The following ZSCAN18 variants were observed in gnomAD, a reference collection of about 807,000 sequenced individuals.
ZSCAN18 encodes the protein zinc finger and SCAN domain containing 18, also known as zinc finger and SCAN domain-containing protein 18.
Under a neutral mutation model 31.1 loss-of-function variants are expected in ZSCAN18, and 16 were observed. The observed-to-expected ratio is 0.51, with a 90% CI of 0.35 to 0.78. The LOEUF is 0.78. Ranked by LOEUF, ZSCAN18 falls within the 30% of genes least tolerant of loss-of-function variation. The pLI, the probability that ZSCAN18 is intolerant of heterozygous loss-of-function variation, is 0.01. For missense variants in ZSCAN18, 731 were observed against 697.4 expected (o/e 1.05, Z -0.54); for synonymous variants, 375 against 320.7 (o/e 1.17, Z -1.81).
In ZSCAN18 at chr19:58,090,480, A is replaced by C; in HGVS notation, c.-119-94T>G. 1.1e-5 allele frequency: 13 copies of C among 1,230,672 alleles called. No individual in the cohort carries two copies. Among genetic ancestry groups the C allele is most frequent in the South Asian group, 3.3e-5 (2 of 60,164 alleles). The allele number at this position is 1,230,672 out of a possible 1,614,324, so 76.2% of individuals were successfully genotyped here. On this transcript the variant is annotated intron_variant, in intron 1 of 6. Transcript: ENST00000601144. This position sits in a 1 kb window ranked among gnomAD's most constrained non-coding sequence, Gnocchi z 4.7. ...AACAAAGACACCACACCCAGAGTTC[A>C]CACAGATTTCCAAGAAACCCGCTTG...
intron 1 of ZSCAN18, among the ~76,000 whole-genome samples, chr19:58,105,385 G>T (rs562404814): frequency 2.0e-5 from 3 of 152,210 alleles, no homozygotes; most frequent in South Asian, 2.1e-4. Context: ...CAGTTTAGCT[G>T]GCCCAGGCGC....
chr19:58,095,310 G>C (rs1255791525), intron 1 of ZSCAN18, among the ~76,000 whole-genome samples: 1 of 152,234 alleles, frequency 6.6e-6, no homozygotes, highest in Non-Finnish European at 1.5e-5. Context: ...CATAATGTGT[G>C]TGCACAGAAC....
chr19:58,116,358 C>G (rs10424179), intron 1 of ZSCAN18, among the ~76,000 whole-genome samples: 1 of 150,904 alleles, frequency 6.6e-6, no homozygotes, highest in Admixed American at 6.6e-5. Context: ...TTACTGAACA[C>G]GTACTGTATG....
At position 58,084,982 on chromosome 19, in the gene ZSCAN18, G is replaced by A. The variant is rs751503444; in HGVS notation, c.1236C>T (p.Pro412=). The A allele has an allele frequency of 1.9e-6, 3 of 1,598,854 alleles. No individual in the cohort carries two copies. Among genetic ancestry groups the A allele is most frequent in the African/African-American group, 2.7e-5 (2 of 74,746 alleles). Residue 412 remains proline, a synonymous_variant, in exon 7 of 7, where the codon CCC becomes CCT. Transcript: ENST00000601144. The surrounding 1 kb of genome is among the most constrained non-coding windows in gnomAD (Gnocchi z 4.5). ...ADEPGLSRGK[P]YACGECGEAF... ...CCTCCCCGCACTCGCCGCAGGCATAGGGCTTCCCGCGGGACAAGCCCGGCT... is the reference window on the plus strand; with the variant it reads ...CCTCCCCGCACTCGCCGCAGGCATAAGGCTTCCCGCGGGACAAGCCCGGCT...
At chr19:58,113,927 A>T (rs2074708990) in intron 1 of ZSCAN18, among the ~76,000 whole-genome samples, 1 of 152,092 alleles carries the variant, frequency 6.6e-6, no homozygotes, top group Non-Finnish European at 1.5e-5. Context: ...GCCATAAGCC[A>T]AGATCGTGCC....
At position 58,111,036 on chromosome 19, in the gene ZSCAN18, C is replaced by T. The variant is rs572298251; in HGVS notation, c.130+7231G>A. On this transcript the variant is annotated intron_variant, in intron 1 of 1. Coordinates refer to the ZSCAN18 transcript ENST00000595721. The stretch of plus-strand genomic sequence containing the variant: ...ACAAAATATGAGCCAGGCGTGGTGG[C>T]GGGCGCCTGTAGTCCCAGCTACTCG... Among the ~76,000 whole-genome samples the T allele has an allele frequency of 1.4e-3, 217 of 152,158 alleles. 1 individual carries two copies. Among genetic ancestry groups the T allele is most frequent in the African/African-American group, 5.1e-3 (210 of 41,516 alleles).
At chr19:58,101,882 T>A (rs74467216), upstream of ZSCAN18, among the ~76,000 whole-genome samples, 1,710 of 152,144 alleles carry the variant, frequency 0.011, 41 homozygotes, top group African/African-American at 0.038. Context: ...AATATTTACA[T>A]GGTCCTGCAC....
At chr19:58,086,152 C>G in intron 6 of ZSCAN18, 22 bp downstream of exon 6, 2 of 1,612,876 alleles carry the variant, frequency 1.2e-6, no homozygotes, top group Non-Finnish European at 1.7e-6. Context: ...CCGGCCCTAA[C>G]ACCAATTCAA....
Position 58,084,630 on chromosome 19 carries a change from G to T in ZSCAN18, c.*55C>A. ...GGGGCGTGGAAAGGCCCAATGCCTC[G>T]TCTGGGATTCACGGCCGGCAAAGCG... On this transcript the variant is annotated 3_prime_UTR_variant, in exon 7 of 7. Coordinates refer to ENST00000601144, the MANE Select transcript of ZSCAN18 (RefSeq NM_001145543.2). This position sits in a 1 kb window ranked among gnomAD's most constrained non-coding sequence, Gnocchi z 4.5. 1 of 1,416,578 alleles carries T rather than the reference G, an allele frequency of 7.1e-7. No homozygotes were observed. 87.8% of individuals were successfully genotyped at this position (1,416,578 alleles called of 1,614,324 possible).
At chr19:58,101,830 C>A (rs1470780225), upstream of ZSCAN18, among the ~76,000 whole-genome samples, 1 of 149,364 alleles carries the variant, frequency 6.7e-6, no homozygotes, top group East Asian at 2.0e-4. Flanking sequence ...TTTTTTTTTT[C>A]TTTGTTTTTT....
Position 58,098,170 on chromosome 19 carries a change from C to G in ZSCAN18, c.-120+4G>C, listed in dbSNP as rs116304903. On this transcript the variant is annotated splice_donor_region_variant and intron_variant, in intron 1 of 6. Coordinates refer to ENST00000601144, the MANE Select transcript of ZSCAN18 (RefSeq NM_001145543.2). ...CCCGCGCTGCATCCCCGGGACCGAC[C>G]CACCTGCTGCGCAGCTACCCCAGGC... 4,565 of 985,544 alleles carry G rather than the reference C, an allele frequency of 4.6e-3. 153 individuals are homozygous for G. In the African/African-American group the frequency reaches 0.07, roughly 15 times the overall value. 61.0% of individuals were successfully genotyped at this position (985,544 alleles called of 1,614,324 possible). A position where few individuals can be genotyped will look rare whatever the true frequency, so the allele number is the denominator to read the frequency against.
At chr19:58,106,884 CT>C (rs2074638848) in intron 1 of ZSCAN18, among the ~76,000 whole-genome samples, 1 of 151,848 alleles carries the variant, frequency 6.6e-6, no homozygotes, top group Non-Finnish European at 1.5e-5. Context: ...CCTCAGTCTC[CT>C]GAGTAGCTGG....
intron 1 of ZSCAN18, among the ~76,000 whole-genome samples, chr19:58,095,842 T>C (rs1052373199): frequency 6.6e-6 from 1 of 152,162 alleles, no homozygotes; most frequent in African/African-American, 2.4e-5. Flanking sequence ...TCCATTCACC[T>C]GCAAAGCAGA....
chr19:58,103,663 C>T (rs2074611966), intron 1 of ZSCAN18, among the ~76,000 whole-genome samples: 1 of 151,964 alleles, frequency 6.6e-6, no homozygotes, highest in Non-Finnish European at 1.5e-5. Context: ...CCTCCCTATT[C>T]CCTGAGACAA....
chr19:58,092,043 A>G (rs1170374620), intron 1 of ZSCAN18, among the ~76,000 whole-genome samples: 2 of 152,166 alleles, frequency 1.3e-5, no homozygotes, highest in African/African-American at 4.8e-5. Flanking sequence ...TTCCACAGAA[A>G]TGAAACATCT....
At chr19:58,086,378 T>A in intron 5 of ZSCAN18, 112 bp from the exon 6 acceptor site, 1 of 901,848 alleles carries the variant, frequency 1.1e-6, no homozygotes, top group Non-Finnish European at 1.7e-6. Context: ...CTCTTCTCTG[T>A]ACTGGGACCC....
intron 1 of ZSCAN18, among the ~76,000 whole-genome samples, chr19:58,118,056 C>T (rs1485128504): frequency 6.6e-6 from 1 of 152,166 alleles, no homozygotes; most frequent in Middle Eastern, 3.4e-3. Context: ...AGGAGATGCG[C>T]GTACCAGCCC....
chr19:58,114,510 C>T (rs1473262440), intron 1 of ZSCAN18, among the ~76,000 whole-genome samples: 3 of 148,248 alleles, frequency 2.0e-5, no homozygotes, highest in Non-Finnish European at 4.5e-5. Context: ...AACACATGCA[C>T]ACATAATACA....
chr19:58,105,655 C>T (rs570976922), intron 1 of ZSCAN18, among the ~76,000 whole-genome samples: 5 of 151,174 alleles, frequency 3.3e-5, no homozygotes, highest in Admixed American at 1.3e-4. Context: ...AGTGAGACTC[C>T]GTCTCAAAAA....
Sources: gnomAD v4.1 joint callset for allele counts (sites outside exome capture counted in the v4.1 genomes callset) on GRCh38, gnomAD v4.1.1 for gene constraint, Gnocchi (gnomAD v3.1) non-coding constraint, MANE v1.5 for transcripts, NCBI Gene and HGNC (gene_info 2026-07-23, HGNC 2026-07-21) for gene names.